The following USP44 variants were observed in gnomAD, a reference collection of about 807,000 sequenced individuals.
USP44 encodes the protein ubiquitin specific peptidase 44, also known as ubiquitin carboxyl-terminal hydrolase 44.
In USP44, 61 loss-of-function variants were observed where a neutral mutation model predicts 69.0. The ratio of observed to expected loss-of-function variants is 0.88; its 90% CI spans 0.72 to 1.09. The LOEUF (loss-of-function observed/expected upper bound fraction) is 1.09, where lower values mean the gene tolerates loss of function less well. USP44 is among the 50% of genes least tolerant of loss of function. USP44 has a pLI of 0.00. For missense variants in USP44, 753 were observed against 849.9 expected (o/e 0.89, Z 1.42); for synonymous variants, 297 against 295.4 (o/e 1.01, Z -0.06).
chr12:95,551,208 A>G (rs893083799), intron 1 of USP44, 64 bp downstream of exon 1: 1 of 152,008 alleles, frequency 6.6e-6, no homozygotes, highest in African/African-American at 2.4e-5. Flanking sequence ...TGTAACATTA[A>G]AAAAAAGAAA....
Position 95,548,799 on chromosome 12 carries a change from G to C in USP44, c.-71+2473C>G, listed in dbSNP as rs1479192330. 1 of 151,922 alleles carries C rather than the reference G, an allele frequency of 6.6e-6. No individual in the cohort carries two copies. 9.4% of individuals were successfully genotyped at this position (151,922 alleles called of 1,614,324 possible). On this transcript the variant is annotated intron_variant, in intron 1 of 5. Transcript: ENST00000258499. This position sits in a 1 kb window ranked among gnomAD's most constrained non-coding sequence, Gnocchi z 4.1. ...CCCGAGCCGGGGCGGCCATCTTAGC[G>C]CTCACCCCGGCCCCCCGCCCCCCGG...
chr12:95,520,008 A>AC (rs2076607067), intron 5 of USP44, among the ~76,000 whole-genome samples: 1 of 44,390 alleles, frequency 2.3e-5, no homozygotes, highest in Non-Finnish European at 3.7e-5. Context: ...ACTCTGTCTC[A>AC]AAAAAAAAAA....
intron 4 of USP44, 41 bp downstream of exon 4, chr12:95,524,639 G>A (rs759469394): frequency 6.9e-7 from 1 of 1,458,020 alleles, no homozygotes; most frequent in East Asian, 2.3e-5. Context: ...AGCATTATAA[G>A]CACAAGGAAT....
chr12:95,532,512 G>A (rs943723968), intron 2 of USP44, among the ~76,000 whole-genome samples: 15 of 151,812 alleles, frequency 9.9e-5, no homozygotes, highest in African/African-American at 3.1e-4. Context: ...CTTTAAATCC[G>A]TTCCCTCTGG....
rs750106348 is a variant in USP44, at chr12:95,528,936, A to G, written c.1495T>C (p.Phe499Leu). 68 of 1,613,950 alleles carry G rather than the reference A, an allele frequency of 4.2e-5. No homozygotes were observed. The Admixed American group carries it at 1.1e-3, about 26-fold the overall frequency. ...CCACTGCATTGATACCTTTCTGGAA[A>G]CTCCAATGACAAGTCCCAGAAAGGT... is the stretch of plus-strand genomic sequence containing the variant. ...IEPFWDLSLE[F>L]PERYQCSGKD... Residue 499 changes from phenylalanine to leucine, a missense_variant, in exon 3 of 6, where the codon TTT (phenylalanine) becomes CTT (leucine). By Grantham distance (22) the Phe-to-Leu change is conservative. Transcript: ENST00000258499.
intron 1 of USP44, among the ~76,000 whole-genome samples, chr12:95,543,273 C>T (rs2077451899): frequency 6.6e-6 from 1 of 150,470 alleles, no homozygotes; most frequent in South Asian, 2.1e-4. Context: ...TGGTGGCACG[C>T]ATCTGTAGTC....
At chr12:95,530,798 T>A (rs1327538092) in intron 2 of USP44, among the ~76,000 whole-genome samples, 1 of 152,152 alleles carries the variant, frequency 6.6e-6, no homozygotes, top group African/African-American at 2.4e-5. Context: ...TCAGAAAAAT[T>A]AATTGATGAC....
At chr12:95,540,572 C>A (rs1175649983) in intron 1 of USP44, among the ~76,000 whole-genome samples, 5 of 152,072 alleles carry the variant, frequency 3.3e-5, no homozygotes, top group Non-Finnish European at 5.9e-5. Flanking sequence ...AAACTCCTGA[C>A]CTCAGGTGAT....
intron 1 of USP44, among the ~76,000 whole-genome samples, chr12:95,549,965 G>A (rs545419580): frequency 3.9e-5 from 6 of 152,132 alleles, no homozygotes; most frequent in Admixed American, 2.0e-4. Context: ...GATCACCTGA[G>A]GTCAGGAGTT....
chr12:95,532,640 C>T (rs886955545), intron 2 of USP44, among the ~76,000 whole-genome samples, 189 bp downstream of exon 2: 4 of 152,070 alleles, frequency 2.6e-5, no homozygotes, highest in Non-Finnish European at 5.9e-5. Flanking sequence ...AGATGTAAAA[C>T]TACTTCCAAT....
chr12:95,549,278 TGG>T (rs1380383771), intron 1 of USP44, among the ~76,000 whole-genome samples: 3 of 152,218 alleles, frequency 2.0e-5, no homozygotes, highest in African/African-American at 7.2e-5. Context: ...AAGCGACCCC[TGG>T]GTGTAACTTC....
In USP44 at chr12:95,548,930, C is replaced by G. The variant is rs2077669932; in HGVS notation, c.-71+2342G>C. The G allele has an allele frequency of 6.6e-6, 1 of 152,112 alleles. No homozygotes were observed. The allele number at this position is 152,112 out of a possible 1,614,324, so 9.4% of individuals were successfully genotyped here. ...CCCTGCGCCGGCTCTTCGCGGGCAC[C>G]GAGAACCTGCCGGTGGCCGCCTTCC... On this transcript the variant is annotated intron_variant, in intron 1 of 5. Transcript: ENST00000258499. The surrounding 1 kb of genome is among the most constrained non-coding windows in gnomAD (Gnocchi z 4.1).
rs777257786 is a variant in USP44, at chr12:95,533,034, G to A, written c.1223C>T (p.Ser408Leu). Residue 408 changes from serine to leucine, a missense_variant, in exon 2 of 6, where the codon TCA becomes TTA. Physicochemically the swap from Ser to Leu is moderately radical, Grantham distance 145. Transcript: ENST00000258499. The stretch of plus-strand genomic sequence containing the variant: ...AAAGGCAGGAATGAGTCTCCACACT[G>A]AGTGTAGCATAGCAAATGGTGAGAC... The part of the protein sequence containing the change: ...ALVSPFAMLH[S>L]VWRLIPAFRG... 3.1e-6 allele frequency: 5 copies of A among 1,614,210 alleles called. No individual in the cohort carries two copies. Among genetic ancestry groups the A allele is most frequent in the Non-Finnish European group, 3.4e-6 (4 of 1,180,032 alleles).
chr12:95,518,797 GGCGTGGT>G (rs1180016126), intron 5 of USP44, among the ~76,000 whole-genome samples: 1 of 152,082 alleles, frequency 6.6e-6, no homozygotes, highest in Admixed American at 6.6e-5. Context: ...AAATTCGCCA[GGCGTGGT>G]GGTGCACACC....
chr12:95,526,194 T>A (rs1332645487), intron 3 of USP44, among the ~76,000 whole-genome samples: 4 of 152,218 alleles, frequency 2.6e-5, no homozygotes, highest in Non-Finnish European at 5.9e-5. Context: ...AATTTGGTGA[T>A]GAAAGCATTT....
chr12:95,536,556 T>C (rs575701820), intron 1 of USP44, among the ~76,000 whole-genome samples: 2 of 152,152 alleles, frequency 1.3e-5, no homozygotes, highest in South Asian at 4.2e-4. Flanking sequence ...CATCCTTGAC[T>C]CTCTCTCTCT....
At chr12:95,519,200 T>C (rs2076568497) in intron 5 of USP44, among the ~76,000 whole-genome samples, 1 of 147,232 alleles carries the variant, frequency 6.8e-6, no homozygotes, top group Non-Finnish European at 1.5e-5. Flanking sequence ...TGTTTGCTGA[T>C]TGCTCAATGT....
chr12:95,542,874 G>A (rs1195522636), intron 1 of USP44, among the ~76,000 whole-genome samples: 3 of 150,770 alleles, frequency 2.0e-5, no homozygotes, highest in Admixed American at 1.3e-4. Flanking sequence ...GGATCATGAG[G>A]TCAGGAGATT....
At chr12:95,540,276 A>G (rs2077345386) in intron 1 of USP44, among the ~76,000 whole-genome samples, 1 of 151,012 alleles carries the variant, frequency 6.6e-6, no homozygotes, top group Admixed American at 6.6e-5. Flanking sequence ...AACAGATACT[A>G]TATTATCATT....
Sources: gnomAD v4.1 joint callset for allele counts (sites outside exome capture counted in the v4.1 genomes callset) on GRCh38, gnomAD v4.1.1 for gene constraint, Gnocchi (gnomAD v3.1) non-coding constraint, MANE v1.5 for transcripts, NCBI Gene and HGNC (gene_info 2026-07-23, HGNC 2026-07-21) for gene names.